Variants in HERC4 observed in about 807,000 individuals in gnomAD.
The protein encoded by HERC4 is probable E3 ubiquitin-protein ligase HERC4.
HERC4 carries 28 observed loss-of-function variants against 124.3 expected under a neutral mutation model. That is an observed-to-expected ratio of 0.23 (90% CI 0.17 to 0.31). HERC4 has a LOEUF of 0.31. Among genes scored for constraint, HERC4 ranks in the 10% least tolerant of loss-of-function variants. The pLI is 1.00. For synonymous variants in HERC4, 407 were observed against 421.5 expected (o/e 0.97, Z 0.42); for missense variants, 713 against 1,229.3 (o/e 0.58, Z 6.28).
At chr10:68,042,509 C>A (rs569813762) in intron 4 of HERC4, among the ~76,000 whole-genome samples, 9 of 152,212 alleles carry the variant, frequency 5.9e-5, no homozygotes, top group Admixed American at 1.3e-4. Flanking sequence ...TATAGTCGCA[C>A]CTACTAGGGA....
At chr10:68,022,297 C>T (rs61219168) in intron 8 of HERC4, among the ~76,000 whole-genome samples, 2 of 151,848 alleles carry the variant, frequency 1.3e-5, no homozygotes, top group South Asian at 2.1e-4. Context: ...GTCGGGAGTT[C>T]GAGACCAGCC....
At chr10:67,930,516 C>T (rs73261373) in intron 23 of HERC4, among the ~76,000 whole-genome samples, 13,609 of 152,188 alleles carry the variant, frequency 0.089, 1,650 homozygotes, top group African/African-American at 0.28. Flanking sequence ...GACTATACCA[C>T]TTTGTATCCC....
intron 15 of HERC4, among the ~76,000 whole-genome samples, chr10:67,968,578 T>C (rs1483397757): frequency 6.6e-6 from 1 of 152,008 alleles, no homozygotes; most frequent in African/African-American, 2.4e-5. Context: ...GGTTTCACCA[T>C]GTTAGCCAGG....
intron 15 of HERC4, among the ~76,000 whole-genome samples, chr10:67,986,023 T>C (rs2036241362): frequency 6.6e-6 from 1 of 152,136 alleles, no homozygotes; most frequent in Admixed American, 6.6e-5. Context: ...ATAAACAAGT[T>C]TTGATAGTAA....
intron 19 of HERC4, among the ~76,000 whole-genome samples, chr10:67,944,873 T>G (rs760025530): frequency 6.6e-6 from 1 of 152,186 alleles, no homozygotes; most frequent in South Asian, 2.1e-4. Context: ...ATTAGTGAGC[T>G]TGAAGACAGG....
chr10:68,040,701 CAA>C (rs2039718688), intron 4 of HERC4, among the ~76,000 whole-genome samples: 1 of 151,780 alleles, frequency 6.6e-6, no homozygotes. Context: ...CCAGCCTGGC[CAA>C]AATGGTGAAA....
intron 15 of HERC4, among the ~76,000 whole-genome samples, chr10:67,986,034 T>C (rs1407592766): frequency 2.6e-5 from 4 of 152,330 alleles, no homozygotes; most frequent in East Asian, 1.9e-4. Flanking sequence ...TTGATAGTAA[T>C]AGGTTTCTTG....
At chr10:67,953,185 G>A (rs1165737003) in intron 19 of HERC4, among the ~76,000 whole-genome samples, 1 of 152,120 alleles carries the variant, frequency 6.6e-6, no homozygotes, top group Non-Finnish European at 1.5e-5. Context: ...TTGGAACTAT[G>A]TAGGCATTTT....
intron 3 of HERC4, among the ~76,000 whole-genome samples, chr10:68,045,686 T>A (rs1049456330): frequency 6.6e-6 from 1 of 152,236 alleles, no homozygotes; most frequent in Non-Finnish European, 1.5e-5. Context: ...ACAAGTTTTT[T>A]AAAAGATACC....
At chr10:67,972,911 TA>T (rs1827283698) in intron 15 of HERC4, among the ~76,000 whole-genome samples, 1 of 152,224 alleles carries the variant, frequency 6.6e-6, no homozygotes, top group African/African-American at 2.4e-5. Context: ...TATAGAATTA[TA>T]GTTAACTTCC....
intron 16 of HERC4, chr10:67,964,643 T>G (rs144392452): frequency 6.6e-6 from 1 of 152,362 alleles, no homozygotes; most frequent in Non-Finnish European, 1.5e-5. Flanking sequence ...CCCCTGTTTA[T>G]CATTAACACT....
rs866506905 is a variant in HERC4 at position 68,059,580 on chromosome 10, T to A, written c.226+13303A>T. 2.3e-4 allele frequency among the ~76,000 whole-genome samples: 21 copies of A among 89,484 alleles called. 1 individual carries two copies. The highest frequency in any genetic ancestry group is 6.6e-4 in the African/African-American group (12 of 18,262). 58.7% of individuals were successfully genotyped at this position (89,484 alleles called of 152,430 possible). A position where few individuals can be genotyped will look rare whatever the true frequency, so the allele number is the denominator to read the frequency against. On this transcript the variant is annotated intron_variant, in intron 3 of 24. Coordinates refer to ENST00000373700, the MANE Select transcript of HERC4 (RefSeq NM_015601.4). ...ATATATCATAATATTATATATCATA[T>A]TATATATCATATTATATATCATAAT...
chr10:68,073,491 A>G (rs979048227), intron 2 of HERC4, among the ~76,000 whole-genome samples, 166 bp downstream of exon 2: 1 of 152,226 alleles, frequency 6.6e-6, no homozygotes, highest in African/African-American at 2.4e-5. Flanking sequence ...ACCTTGATGA[A>G]ATTAATCACA....
intron 4 of HERC4, 69 bp downstream of exon 4, chr10:68,044,335 A>G: frequency 6.9e-7 from 1 of 1,459,272 alleles, no homozygotes; most frequent in Admixed American, 2.2e-5. Flanking sequence ...AAAGATAAGC[A>G]GAACAATTTA....
At chr10:67,967,106 G>A (rs2034928947) in intron 15 of HERC4, among the ~76,000 whole-genome samples, 1 of 152,150 alleles carries the variant, frequency 6.6e-6, no homozygotes, top group African/African-American at 2.4e-5. Context: ...TGTCCACCTT[G>A]GCCTCCCAAA....
At chr10:68,049,068 T>C (rs945824518) in intron 3 of HERC4, among the ~76,000 whole-genome samples, 1 of 152,002 alleles carries the variant, frequency 6.6e-6, no homozygotes, top group Non-Finnish European at 1.5e-5. Flanking sequence ...TCTACAGATA[T>C]ACCTCTGTGT....
chr10:67,937,500 A>G (rs1038095897), intron 21 of HERC4, among the ~76,000 whole-genome samples: 5 of 152,200 alleles, frequency 3.3e-5, no homozygotes, highest in African/African-American at 1.2e-4. Flanking sequence ...TAGTCAACTG[A>G]GATGATCAAT....
At chr10:68,023,019 A>G (rs1467047145) in intron 8 of HERC4, among the ~76,000 whole-genome samples, 1 of 152,014 alleles carries the variant, frequency 6.6e-6, no homozygotes, top group African/African-American at 2.4e-5. Flanking sequence ...AAAAAAAAAG[A>G]AAAAGGCAAA....
intron 3 of HERC4, among the ~76,000 whole-genome samples, chr10:68,051,786 T>C (rs1450721328): frequency 6.6e-6 from 1 of 151,036 alleles, no homozygotes; most frequent in Non-Finnish European, 1.5e-5. Flanking sequence ...CCTCCGAGGC[T>C]CAAGTGATCC....
Sources: gnomAD v4.1 joint callset for allele counts (sites outside exome capture counted in the v4.1 genomes callset) on GRCh38, gnomAD v4.1.1 for gene constraint, MANE v1.5 for transcripts, NCBI Gene and HGNC (gene_info 2026-07-23, HGNC 2026-07-21) for gene names.